C12orf42: variants seen among roughly 807,000 people sequenced by gnomAD.
C12orf42 encodes chromosome 12 open reading frame 42, also known as uncharacterized protein C12orf42.
In C12orf42, 25 loss-of-function variants were observed where a neutral mutation model predicts 21.6. The ratio of observed to expected loss-of-function variants is 1.16; its 90% CI spans 0.84 to 1.62. C12orf42 has a LOEUF of 1.62. Ranked by LOEUF, C12orf42 falls within the 40% of genes most tolerant of loss-of-function variation. The probability of loss-of-function intolerance (pLI) is 0.00; values close to 1 mark genes in which losing one functional copy is unlikely to be tolerated. For missense variants in C12orf42, 483 were observed against 459.3 expected, an observed-to-expected ratio of 1.05 and a Z score of -0.47; for synonymous variants, 174 against 175.0, an observed-to-expected ratio of 0.99 and a Z score of 0.05.
At chr12:103,130,403 A>G in the C12orf42 span, among the ~76,000 whole-genome samples, 8 of 151,376 alleles carry the variant, frequency 5.3e-5, no homozygotes, top group Non-Finnish European at 1.0e-4. Context: ...ATAAAAGGAA[A>G]ACAACACTTG....
At chr12:103,423,735 T>C (rs903357892) in intron 2 of C12orf42, among the ~76,000 whole-genome samples, 3 of 152,198 alleles carry the variant, frequency 2.0e-5, no homozygotes, top group African/African-American at 7.2e-5. Context: ...AAATACTTTT[T>C]TCCCCCAAGT....
At chr12:103,290,802 T>G (rs2036759088) in intron 4 of C12orf42, among the ~76,000 whole-genome samples, 1 of 152,108 alleles carries the variant, frequency 6.6e-6, no homozygotes, top group African/African-American at 2.4e-5. Context: ...AAGAATTCTA[T>G]TTTCTGGATG....
chr12:103,262,754 AAGGATAT>A, intron 10 of C12orf42, among the ~76,000 whole-genome samples: 1 of 152,304 alleles, frequency 6.6e-6, no homozygotes, highest in East Asian at 1.9e-4. Context: ...GCGATTCATC[AAGGATAT>A]AGAACTAGAA....
chr12:103,505,671 G>A, the C12orf42 span: 1 of 237,080 alleles, frequency 4.2e-6, no homozygotes, highest in Non-Finnish European at 8.2e-6. Context: ...CATATACCAG[G>A]GATGCAGGGC....
downstream of C12orf42, among the ~76,000 whole-genome samples, chr12:103,264,848 T>C (rs1420051858): frequency 6.6e-6 from 1 of 152,132 alleles, no homozygotes; most frequent in Non-Finnish European, 1.5e-5. Context: ...CATCTTCTGG[T>C]TTCTCCTCTT....
the C12orf42 span, among the ~76,000 whole-genome samples, chr12:103,228,992 CCATT>C: frequency 1.3e-5 from 2 of 152,072 alleles, no homozygotes; most frequent in African/African-American, 4.8e-5. Context: ...TAACCTCATT[CCATT>C]CATTCATTGA....
At chr12:103,300,159 G>A (rs1265753967), downstream of C12orf42, among the ~76,000 whole-genome samples, 1 of 152,170 alleles carries the variant, frequency 6.6e-6, no homozygotes, top group African/African-American at 2.4e-5. Flanking sequence ...GTGGTACAAA[G>A]TACTGATAAG....
the C12orf42 span, among the ~76,000 whole-genome samples, chr12:103,068,881 A>C: frequency 8.4e-3 from 1,144 of 136,676 alleles, 21 homozygotes; most frequent in African/African-American, 0.029. Context: ...CTCTCTATAT[A>C]TATATATAGA....
At chr12:103,395,160 G>A (rs7957584) in intron 3 of C12orf42, among the ~76,000 whole-genome samples, 26,514 of 152,080 alleles carry the variant, frequency 0.17, 2,682 homozygotes, top group African/African-American at 0.29. Flanking sequence ...TGTTGAACTG[G>A]TCAATTGAAT....
chr12:103,085,979 T>A, the C12orf42 span, among the ~76,000 whole-genome samples: 1 of 152,218 alleles, frequency 6.6e-6, no homozygotes, highest in Non-Finnish European at 1.5e-5. Flanking sequence ...TTGCTGGATT[T>A]CAATTTAATC....
intron 4 of C12orf42, among the ~76,000 whole-genome samples, chr12:103,359,019 C>G (rs576609697): frequency 1.3e-5 from 2 of 152,064 alleles, no homozygotes. Context: ...TCACGCTACT[C>G]TTTTCCTTCT....
chr12:103,415,571 C>T (rs1235310648), intron 2 of C12orf42, among the ~76,000 whole-genome samples: 1 of 152,126 alleles, frequency 6.6e-6, no homozygotes, highest in African/African-American at 2.4e-5. Flanking sequence ...TGAAATCATA[C>T]CAAGAACACT....
At chr12:103,074,336 T>C in the C12orf42 span, among the ~76,000 whole-genome samples, 1 of 152,168 alleles carries the variant, frequency 6.6e-6, no homozygotes, top group Non-Finnish European at 1.5e-5. Context: ...GAGAGCTTAA[T>C]TGAACATAGG....
At chr12:103,102,567 T>C in the C12orf42 span, among the ~76,000 whole-genome samples, 122 of 152,304 alleles carry the variant, frequency 8.0e-4, 2 homozygotes, top group African/African-American at 2.6e-3. Flanking sequence ...CTTCAGAATA[T>C]GGGTACAGAC....
chr12:103,507,539 G>T, the C12orf42 span, among the ~76,000 whole-genome samples: 3 of 150,886 alleles, frequency 2.0e-5, no homozygotes, highest in Non-Finnish European at 2.9e-5. Context: ...TTTGTGGGGT[G>T]TGGCGGCACA....
chr12:103,448,447 C>T (rs753094145), intron 2 of C12orf42, among the ~76,000 whole-genome samples: 4 of 151,184 alleles, frequency 2.6e-5, no homozygotes, highest in African/African-American at 4.8e-5. Flanking sequence ...ATACATGGGG[C>T]TTAAACTAAA....
chr12:103,200,352 G>T, the C12orf42 span, among the ~76,000 whole-genome samples: 1 of 152,154 alleles, frequency 6.6e-6, no homozygotes, highest in South Asian at 2.1e-4. Flanking sequence ...AGAGGTATTA[G>T]TCAAAAGGCA....
intron 4 of C12orf42, among the ~76,000 whole-genome samples, chr12:103,323,899 A>C (rs529734613): frequency 5.3e-5 from 8 of 152,212 alleles, no homozygotes; most frequent in African/African-American, 1.9e-4. Context: ...ACTTAGTATC[A>C]TATTGGATGA....
the C12orf42 span, among the ~76,000 whole-genome samples, chr12:103,048,739 C>T: frequency 6.6e-6 from 1 of 152,154 alleles, no homozygotes; most frequent in African/African-American, 2.4e-5. Context: ...CCCAGGATTC[C>T]ACATGCTTCT....
Sources: allele counts gnomAD v4.1 joint callset (sites outside exome capture counted in the v4.1 genomes callset), GRCh38; gene constraint gnomAD v4.1.1; transcripts MANE v1.5; gene names NCBI Gene and HGNC (gene_info 2026-07-23, HGNC 2026-07-21).